STK17A: variants seen among roughly 807,000 people sequenced by gnomAD.
STK17A encodes serine/threonine-protein kinase 17A.
Under a neutral mutation model 43.7 loss-of-function variants are expected in STK17A, and 26 were observed. The ratio of observed to expected loss-of-function variants is 0.60; its 90% CI spans 0.44 to 0.83. The LOEUF (loss-of-function observed/expected upper bound fraction) is 0.83. Ranked by LOEUF, STK17A falls within the 40% of genes least tolerant of loss-of-function variation. The pLI is 0.00. For synonymous variants in STK17A, 191 were observed against 182.5 expected, an observed-to-expected ratio of 1.05 and a Z score of -0.38; for missense variants, 476 against 511.6, an observed-to-expected ratio of 0.93 and a Z score of 0.67.
intron 2 of STK17A, 70 bp from the exon 3 acceptor site, chr7:43,608,186 C>G (rs902398154): frequency 7.0e-7 from 1 of 1,425,550 alleles, no homozygotes; most frequent in Non-Finnish European, 9.6e-7. Flanking sequence ...TTAATTTACT[C>G]TGTAGTTTTG....
At chr7:43,600,993 C>G (rs1010582600) in intron 2 of STK17A, among the ~76,000 whole-genome samples, 81 of 152,050 alleles carry the variant, frequency 5.3e-4, no homozygotes, top group African/African-American at 1.9e-3. Flanking sequence ...TAGAAATAAT[C>G]TAAATGTTTG....
rs138859141 is a variant in STK17A at position 43,610,346 on chromosome 7, C to CAAAAAAAA, written c.564+1964_564+1971dup. On this transcript the variant is annotated intron_variant, in intron 3 of 6. Coordinates refer to ENST00000319357, the MANE Select transcript of STK17A (RefSeq NM_004760.3). ...TGGGCAACAGAGCGAGACTCCGTCTCAAAAAAAAAAAAAAAAAAAAAAAAA... is the reference window on the plus strand; with the variant it reads ...TGGGCAACAGAGCGAGACTCCGTCTCAAAAAAAAAAAAAAAAAAAAAAAAAAAAAAAAA... Among the ~76,000 whole-genome samples the CAAAAAAAA allele has an allele frequency of 1.2e-3, 51 of 41,328 alleles. 1 individual carries two copies. The highest frequency in any genetic ancestry group is 5.4e-3 in the African/African-American group (50 of 9,236). The allele number at this position is 41,328 out of a possible 152,430, so 27.1% of individuals were successfully genotyped here.
At chr7:43,618,949 C>A (rs892810446) in intron 3 of STK17A, among the ~76,000 whole-genome samples, 4 of 152,002 alleles carry the variant, frequency 2.6e-5, no homozygotes, top group African/African-American at 9.7e-5. Flanking sequence ...AGCGAGAGAT[C>A]CTGAACAACA....
In STK17A at chr7:43,623,617, T is replaced by C. The variant is rs144785063; in HGVS notation, c.737T>C (p.Met246Thr). 1.5e-4 allele frequency: 239 copies of C among 1,611,170 alleles called. No individual in the cohort carries two copies. Among genetic ancestry groups the C allele is most frequent in the Non-Finnish European group, 2.0e-4 (232 of 1,178,922 alleles). The change falls in exon 5 of 7, where the codon ATG becomes ACG. Residue 246 changes from methionine (M) to threonine (T), a missense_variant. By Grantham distance (81) the Met-to-Thr change is moderately conservative (BLOSUM62 -1). Around this residue, in one of 3 missense-constraint regions of STK17A, gnomAD observed 320 missense variants for 326.3 expected, o/e 0.98. Transcript: ENST00000319357. ...SYDPISMATD[M>T]WSIGVLTYVM... ...GATCCTATAAGCATGGCAACAGATATGTGGTAAGAGTTATTAATGAAAAAT... is the reference window on the plus strand; with the variant it reads ...GATCCTATAAGCATGGCAACAGATACGTGGTAAGAGTTATTAATGAAAAAT...
intron 1 of STK17A, among the ~76,000 whole-genome samples, chr7:43,593,013 T>C (rs913803390): frequency 2.0e-5 from 3 of 152,378 alleles, no homozygotes; most frequent in African/African-American, 7.2e-5. Context: ...GGGCTTTTAG[T>C]GTGCTCATCA....
chr7:43,593,662 G>T (rs2082494293), intron 1 of STK17A, among the ~76,000 whole-genome samples: 1 of 149,236 alleles, frequency 6.7e-6, no homozygotes, highest in African/African-American at 2.5e-5. Context: ...TAATGTGTTT[G>T]TTTGCTGCTC....
At chr7:43,604,852 CTGTT>C (rs1411893621) in intron 2 of STK17A, among the ~76,000 whole-genome samples, 1 of 152,064 alleles carries the variant, frequency 6.6e-6, no homozygotes, top group East Asian at 1.9e-4. Context: ...CCCTGGGGTC[CTGTT>C]TGTTTTGTTC....
At position 43,626,460 on chromosome 7, in the gene STK17A, T is replaced by C. The variant is rs1238980514; in HGVS notation, c.*1618T>C. On this transcript the variant is annotated 3_prime_UTR_variant, in exon 7 of 7. Coordinates refer to ENST00000319357, the MANE Select transcript of STK17A (RefSeq NM_004760.3). The stretch of plus-strand genomic sequence containing the variant: ...CAGGTTGCACTGTTTTCTCACTAAA[T>C]TGGCTTTATTTATACAGTTTCCTGG... 6.6e-6 allele frequency: 1 copy of C among 152,208 alleles called. No homozygotes were observed. Among genetic ancestry groups the C allele is most frequent in the Non-Finnish European group, 1.5e-5 (1 of 68,026 alleles). The allele number at this position is 152,208 out of a possible 1,614,324, so 9.4% of individuals were successfully genotyped here. A position where few individuals can be genotyped will look rare whatever the true frequency, so the allele number is the denominator to read the frequency against.
At chr7:43,612,940 A>G (rs1322894130) in intron 3 of STK17A, among the ~76,000 whole-genome samples, 3 of 152,218 alleles carry the variant, frequency 2.0e-5, no homozygotes, top group African/African-American at 7.2e-5. Context: ...AATGTTGCAG[A>G]AATTGCAAAT....
At chr7:43,613,011 T>C (rs930042864) in intron 3 of STK17A, among the ~76,000 whole-genome samples, 1 of 152,146 alleles carries the variant, frequency 6.6e-6, no homozygotes, top group South Asian at 2.1e-4. Context: ...CCAAACAGTC[T>C]CAATAATTTG....
intron 1 of STK17A, 63 bp downstream of exon 1, chr7:43,583,512 GAT>G: frequency 8.2e-7 from 1 of 1,220,388 alleles, no homozygotes. Context: ...CGTGGGCGCC[GAT>G]AAGTGCCGGC....
At chr7:43,588,036 T>C (rs1230630590) in intron 1 of STK17A, among the ~76,000 whole-genome samples, 8 of 151,588 alleles carry the variant, frequency 5.3e-5, no homozygotes, top group Admixed American at 5.3e-4. Context: ...ACCAAATGCA[T>C]TAGAAAGCTA....
rs145749567 is a variant in STK17A, at chr7:43,616,509, G to A, written c.565-3088G>A. On this transcript the variant is annotated intron_variant, in intron 3 of 6. Transcript: ENST00000319357. ...CCTCATGAAGCTGTAGATTCTTCCCGTTCTCTGAATTCAGACTGATAAACC... is the reference window on the plus strand; with the variant it reads ...CCTCATGAAGCTGTAGATTCTTCCCATTCTCTGAATTCAGACTGATAAACC... Among the ~76,000 whole-genome samples the A allele has an allele frequency of 7.2e-3, 1,096 of 152,208 alleles. 4 individuals are homozygous for A. Among genetic ancestry groups the A allele is most frequent in the African/African-American group, 0.024 (1,006 of 41,510 alleles).
chr7:43,609,632 C>A (rs772671400), intron 3 of STK17A: 3 of 152,182 alleles, frequency 2.0e-5, no homozygotes, highest in Non-Finnish European at 4.4e-5. Context: ...CATATCAAGT[C>A]CAGGTGCAAC....
intron 2 of STK17A, among the ~76,000 whole-genome samples, chr7:43,599,620 A>T (rs1000380196): frequency 1.6e-4 from 24 of 152,246 alleles, no homozygotes; most frequent in African/African-American, 5.8e-4. Context: ...TTTATTAGTC[A>T]GGCTTCTCCA....
intron 1 of STK17A, among the ~76,000 whole-genome samples, chr7:43,590,552 GA>G (rs1386756792): frequency 6.6e-6 from 1 of 151,408 alleles, no homozygotes; most frequent in Non-Finnish European, 1.5e-5. Flanking sequence ...AATATTTAAT[GA>G]AAACCTAAGT....
At chr7:43,619,825 T>G (rs1171995226) in intron 4 of STK17A, 102 bp downstream of exon 4, 10 of 1,410,268 alleles carry the variant, frequency 7.1e-6, no homozygotes, top group Non-Finnish European at 9.6e-6. Flanking sequence ...CTATCTACTA[T>G]GTTGAAATTC....
chr7:43,583,423 C>T lies in STK17A; in HGVS notation c.180C>T (p.Ser60=), dbSNP rs1290664330. 7.2e-7 allele frequency: 1 copy of T among 1,391,076 alleles called. No homozygotes were observed. Among genetic ancestry groups the T allele is most frequent in the Non-Finnish European group, 9.3e-7 (1 of 1,072,446 alleles). 86.2% of individuals were successfully genotyped at this position (1,391,076 alleles called of 1,614,324 possible). A position where few individuals can be genotyped will look rare whatever the true frequency, so the allele number is the denominator to read the frequency against. The change falls in exon 1 of 7, where the codon AGC becomes AGT. Residue 60 remains serine (S), a synonymous_variant. Coordinates refer to ENST00000319357, the MANE Select transcript of STK17A (RefSeq NM_004760.3). ...CCGAGCCCTTCCAGGACGGCTACAG[C>T]CTGTGCCCGGGCCGGGAGCTGGGCA... is the stretch of plus-strand genomic sequence containing the variant. The part of the protein sequence containing the change: ...VRTEPFQDGY[S]LCPGRELGRG...
At chr7:43,606,048 T>G (rs1383418144) in intron 2 of STK17A, among the ~76,000 whole-genome samples, 4 of 152,056 alleles carry the variant, frequency 2.6e-5, no homozygotes, top group African/African-American at 9.7e-5. Flanking sequence ...TCCAATTAAT[T>G]GCTCAATTGC....
Sources: gnomAD v4.1 joint callset for allele counts (sites outside exome capture counted in the v4.1 genomes callset) on GRCh38, gnomAD v4.1.1 for gene constraint, gnomAD v4.1.1 regional missense constraint, MANE v1.5 for transcripts, NCBI Gene and HGNC (gene_info 2026-07-23, HGNC 2026-07-21) for gene names.